The following TPPP variants were observed in gnomAD, a reference collection of about 807,000 sequenced individuals.
TPPP encodes tubulin polymerization promoting protein.
Under a neutral mutation model 15.5 loss-of-function variants are expected in TPPP, and 6 were observed. The ratio of observed to expected loss-of-function variants is 0.39; its 90% CI spans 0.21 to 0.77. TPPP has a LOEUF of 0.77. Among genes scored for constraint, TPPP ranks in the 30% least tolerant of loss-of-function variants. TPPP has a pLI of 0.42. For missense variants in TPPP, 269 were observed against 307.2 expected (o/e 0.88, Z 0.93); for synonymous variants, 146 against 133.9 (o/e 1.09, Z -0.63).
chr5:676,431 A>C (rs12519390), intron 2 of TPPP: 1 of 152,154 alleles, frequency 6.6e-6, no homozygotes. Context: ...ACAGCCTTCC[A>C]CACAGGGGCA....
At chr5:677,069 GCA>G (rs1211519605) in intron 2 of TPPP, among the ~76,000 whole-genome samples, 1 of 151,922 alleles carries the variant, frequency 6.6e-6, no homozygotes, top group South Asian at 2.1e-4. Context: ...ACAGAAACGC[GCA>G]CACGTGCACA....
At chr5:698,486 A>G in the TPPP span, among the ~76,000 whole-genome samples, 1 of 152,062 alleles carries the variant, frequency 6.6e-6, no homozygotes, top group South Asian at 2.1e-4. Flanking sequence ...ATGAGGTTTC[A>G]TGGACTTACA....
intron 2 of TPPP, among the ~76,000 whole-genome samples, chr5:669,545 C>G (rs6898393): frequency 0.028 from 4,196 of 152,258 alleles, 179 homozygotes; most frequent in African/African-American, 0.094. Flanking sequence ...CCCACCCTGC[C>G]CAAGCTGACA....
At chr5:665,924 GCCCCCA>G (rs1739886361) in intron 3 of TPPP, 40 bp downstream of exon 3, 1 of 48,216 alleles carries the variant, frequency 2.1e-5, no homozygotes, top group Non-Finnish European at 3.0e-5. Context: ...TCCAGGCCCC[GCCCCCA>G]CCCCCTCCAG....
intron 2 of TPPP, among the ~76,000 whole-genome samples, chr5:668,709 CAG>C (rs752782995): frequency 6.6e-6 from 1 of 152,268 alleles, no homozygotes; most frequent in African/African-American, 2.4e-5. Context: ...GAAATGAAAA[CAG>C]AGGCTCACAC....
At chr5:672,423 A>G (rs553673041) in intron 2 of TPPP, among the ~76,000 whole-genome samples, 13 of 152,174 alleles carry the variant, frequency 8.5e-5, no homozygotes, top group Non-Finnish European at 1.9e-4. Flanking sequence ...AATACACCAC[A>G]CCCAGCACAC....
intron 2 of TPPP, among the ~76,000 whole-genome samples, chr5:675,265 G>A (rs553694207): frequency 1.6e-4 from 19 of 121,784 alleles, no homozygotes; most frequent in African/African-American, 5.4e-4. Flanking sequence ...TGTGGCCGGG[G>A]GTGCAGCCCA....
At chr5:674,404 G>T (rs147787878) in intron 2 of TPPP, among the ~76,000 whole-genome samples, 4 of 150,764 alleles carry the variant, frequency 2.7e-5, no homozygotes, top group Non-Finnish European at 5.9e-5. Context: ...CCTTGCCCAC[G>T]CAGGCTCTGG....
In TPPP at chr5:666,537, C is replaced by A. The variant is rs932314749; in HGVS notation, c.312-414G>T. 2.0e-5 allele frequency among the ~76,000 whole-genome samples: 3 copies of A among 152,208 alleles called. No individual in the cohort carries two copies. The East Asian group carries it at 5.8e-4, about 29-fold the overall frequency. On this transcript the variant is annotated intron_variant, in intron 2 of 3. Transcript: ENST00000360578. ...TGGGGTCCTAGGTGGAGGTGTCCCC[C>A]ACACAGGAACATGGTTAGGAGGGGC...
the TPPP span, among the ~76,000 whole-genome samples, chr5:698,372 A>T: frequency 6.6e-6 from 1 of 152,066 alleles, no homozygotes. Flanking sequence ...AGGAGCCCAA[A>T]CTATCCCTTT....
rs1275968125 is a variant in TPPP, at chr5:661,220, CAG to C, written c.*3880_*3881del. On this transcript the variant is annotated 3_prime_UTR_variant, in exon 4 of 4. Transcript: ENST00000360578. Reference sequence around the variant, plus strand: ...TCCTGTGTCCTGGTGTCACCCCCAACAGAACCTGTCCCTCTCTCCTGGTGTCA... The same window carrying C: ...TCCTGTGTCCTGGTGTCACCCCCAACAACCTGTCCCTCTCTCCTGGTGTCA... The C allele has an allele frequency of 1.3e-5, 2 of 152,026 alleles. No individual in the cohort carries two copies. Among genetic ancestry groups the C allele is most frequent in the East Asian group, 3.8e-4 (2 of 5,256 alleles). 9.4% of individuals were successfully genotyped at this position (152,026 alleles called of 1,614,324 possible). A position where few individuals can be genotyped will look rare whatever the true frequency, so the allele number is the denominator to read the frequency against.
At position 677,924 on chromosome 5, in the gene TPPP, G is replaced by A; in HGVS notation, c.137C>T (p.Pro46Leu). The change falls in exon 2 of 4, where the codon CCT (proline) becomes CTT (leucine). Residue 46 changes from proline (P) to leucine (L), a missense_variant. By Grantham distance (98) the Pro-to-Leu change is moderately conservative (BLOSUM62 -3). Transcript: ENST00000360578. ...EGAGEGAAASPELSALEEAFR... is the reference protein window; with the variant it reads ...EGAGEGAAASLELSALEEAFR... ...GGCCTCCTCCAGGGCACTGAGCTCA[G>A]GGGATGCGGCTGCCCCCTCACCAGC... 1 of 1,612,652 alleles carries A rather than the reference G, an allele frequency of 6.2e-7. No individual in the cohort carries two copies.
chr5:673,076 C>T (rs1395737237), intron 2 of TPPP, among the ~76,000 whole-genome samples: 1 of 152,176 alleles, frequency 6.6e-6, no homozygotes, highest in Non-Finnish European at 1.5e-5. Flanking sequence ...AGGCCACTTC[C>T]TCACGGTCCC....
chr5:666,156 CG>C, intron 2 of TPPP, 33 bp from the exon 3 acceptor site: 1 of 1,538,382 alleles, frequency 6.5e-7, no homozygotes, highest in East Asian at 2.3e-5. Flanking sequence ...GGGCTGGGCG[CG>C]GGCCGGCCCA....
chr5:677,370 C>G (rs111919245), intron 2 of TPPP, among the ~76,000 whole-genome samples: 40 of 152,356 alleles, frequency 2.6e-4, no homozygotes, highest in Non-Finnish European at 4.4e-4. Context: ...GCCCCCACTC[C>G]TGGGGAAGCC....
intron 2 of TPPP, among the ~76,000 whole-genome samples, chr5:674,466 GC>G (rs1186175557): frequency 1.3e-5 from 2 of 152,128 alleles, no homozygotes; most frequent in Admixed American, 6.5e-5. Context: ...GCTAAATATA[GC>G]CGACCCAGTT....
chr5:676,910 TACACGACGCAGAAACGCACGCGCGC>T (rs1266471778), intron 2 of TPPP, among the ~76,000 whole-genome samples: 3 of 130,712 alleles, frequency 2.3e-5, no homozygotes, highest in African/African-American at 5.3e-5. Flanking sequence ...CACGCGCGCA[TACACGACGCAGAAACGCACGCGCGC>T]ACACGACGCA....
intron 1 of TPPP, among the ~76,000 whole-genome samples, chr5:686,977 G>A (rs1740783352): frequency 7.1e-6 from 1 of 141,202 alleles, no homozygotes. Context: ...CCTTGATCTT[G>A]GACTCTCCAG....
chr5:667,101 C>CA (rs1457879820), intron 2 of TPPP: 4 of 152,214 alleles, frequency 2.6e-5, no homozygotes, highest in African/African-American at 7.2e-5. Context: ...TTCCAGAAGT[C>CA]AGTGAGCAGA....
Sources: gnomAD v4.1 joint callset for allele counts (sites outside exome capture counted in the v4.1 genomes callset) on GRCh38, gnomAD v4.1.1 for gene constraint, MANE v1.5 for transcripts, NCBI Gene and HGNC (gene_info 2026-07-23, HGNC 2026-07-21) for gene names.